Variants in MYOZ2 observed in about 807,000 individuals in gnomAD.
The protein encoded by MYOZ2 is myozenin-2.
In MYOZ2, 19 loss-of-function variants were observed where a neutral mutation model predicts 25.4. The observed-to-expected ratio is 0.75, with a 90% CI of 0.52 to 1.10. The LOEUF is 1.10. Ranked by LOEUF, MYOZ2 falls within the 50% of genes least tolerant of loss-of-function variation. The pLI, the probability that MYOZ2 is intolerant of heterozygous loss-of-function variation, is 0.00. For synonymous variants in MYOZ2, 92 were observed against 106.9 expected (o/e 0.86, Z 0.86); for missense variants, 270 against 317.9 (o/e 0.85, Z 1.15).
In MYOZ2 at chr4:119,176,133, G is replaced by A. The variant is rs1373486190; in HGVS notation, c.561-9833G>A. 3.3e-5 allele frequency among the ~76,000 whole-genome samples: 5 copies of A among 152,114 alleles called. No individual in the cohort carries two copies. The South Asian group carries it at 8.3e-4, about 25-fold the overall frequency. On this transcript the variant is annotated intron_variant, in intron 5 of 5. Coordinates refer to ENST00000307128, the MANE Select transcript of MYOZ2 (RefSeq NM_016599.5). ...TGAGGTTAAGATCTACAATTTTTTCGTGTTTGATTCCCTAGCATGCAGCAT... is the reference window on the plus strand; with the variant it reads ...TGAGGTTAAGATCTACAATTTTTTCATGTTTGATTCCCTAGCATGCAGCAT...
chr4:119,172,132 TTA>T (rs1331157185), intron 5 of MYOZ2, among the ~76,000 whole-genome samples: 5 of 152,188 alleles, frequency 3.3e-5, no homozygotes. Flanking sequence ...TATTCAAATT[TTA>T]TGTTACATTC....
At chr4:119,179,411 C>G (rs962249201) in intron 5 of MYOZ2, among the ~76,000 whole-genome samples, 3 of 152,194 alleles carry the variant, frequency 2.0e-5, no homozygotes, top group African/African-American at 7.2e-5. Context: ...AAATAGTACT[C>G]TTTCTCCTGG....
intron 5 of MYOZ2, among the ~76,000 whole-genome samples, chr4:119,178,870 G>T (rs1235251669): frequency 2.6e-5 from 4 of 152,200 alleles, no homozygotes; most frequent in African/African-American, 7.2e-5. Flanking sequence ...GCCTCCCAAA[G>T]TGCTGGGATT....
At chr4:119,147,743 C>CAAAA (rs70944840) in intron 2 of MYOZ2, among the ~76,000 whole-genome samples, 9 of 119,670 alleles carry the variant, frequency 7.5e-5, no homozygotes, top group Admixed American at 8.6e-5. Flanking sequence ...GACTCTGTCT[C>CAAAA]AAAAAAAAAA....
At chr4:119,167,180 G>A (rs899853027) in intron 5 of MYOZ2, among the ~76,000 whole-genome samples, 1 of 152,122 alleles carries the variant, frequency 6.6e-6, no homozygotes, top group African/African-American at 2.4e-5. Context: ...GAAAAATTCA[G>A]GAAGAAAATG....
At chr4:119,162,057 A>T (rs1415134794) in intron 4 of MYOZ2, among the ~76,000 whole-genome samples, 1 of 152,162 alleles carries the variant, frequency 6.6e-6, no homozygotes, top group Non-Finnish European at 1.5e-5. Context: ...ATATACAAAG[A>T]CAAGACACAG....
At chr4:119,136,450 T>C in intron 1 of MYOZ2, 62 bp from the exon 2 acceptor site, 1 of 1,399,984 alleles carries the variant, frequency 7.1e-7, no homozygotes, top group South Asian at 1.2e-5. Flanking sequence ...AAAACAGTGA[T>C]TATAAGACAC....
chr4:119,152,199 A>AAGAATCAAT (rs1741470978), intron 3 of MYOZ2, among the ~76,000 whole-genome samples: 1 of 152,080 alleles, frequency 6.6e-6, no homozygotes, highest in Admixed American at 6.6e-5. Flanking sequence ...TAGTATTTAT[A>AAGAATCAAT]CTTGTGAAGA....
rs143361510 is a variant in MYOZ2 at position 119,181,025 on chromosome 4, A to G, written c.561-4941A>G. On this transcript the variant is annotated intron_variant, in intron 5 of 5. Coordinates refer to ENST00000307128, the MANE Select transcript of MYOZ2 (RefSeq NM_016599.5). The stretch of plus-strand genomic sequence containing the variant: ...TCTATAATACATATATATTTTTTAC[A>G]TTGGTACATGAATAATTACCTGGTC... Among the ~76,000 whole-genome samples the G allele has an allele frequency of 1.5e-4, 23 of 152,294 alleles. No individual in the cohort carries two copies. In the East Asian group the frequency reaches 4.3e-3, roughly 28 times the overall value.
chr4:119,157,864 C>T (rs940643064), intron 3 of MYOZ2, among the ~76,000 whole-genome samples, 158 bp from the exon 4 acceptor site: 1 of 152,042 alleles, frequency 6.6e-6, no homozygotes, highest in Non-Finnish European at 1.5e-5. Context: ...AAGTGCGCAA[C>T]CATCTTACTA....
intron 3 of MYOZ2, among the ~76,000 whole-genome samples, chr4:119,152,518 A>G (rs867941044): frequency 2.6e-5 from 4 of 152,114 alleles, no homozygotes; most frequent in African/African-American, 9.7e-5. Flanking sequence ...GAAAGGTACA[A>G]TAAGATTTAA....
At chr4:119,150,843 T>C (rs748598731) in intron 2 of MYOZ2, 29 bp from the exon 3 acceptor site, 8 of 1,606,924 alleles carry the variant, frequency 5.0e-6, no homozygotes, top group Non-Finnish European at 6.8e-6. Flanking sequence ...TACCTTGGGA[T>C]TTTTACTCAT....
chr4:119,174,546 T>G (rs1340132728), intron 5 of MYOZ2, among the ~76,000 whole-genome samples: 1 of 152,138 alleles, frequency 6.6e-6, no homozygotes, highest in Admixed American at 6.5e-5. Context: ...GGTGGGGCCT[T>G]GGAGAACCTT....
At chr4:119,149,107 A>C (rs1320401608) in intron 2 of MYOZ2, among the ~76,000 whole-genome samples, 1 of 93,368 alleles carries the variant, frequency 1.1e-5, no homozygotes, top group Non-Finnish European at 3.1e-5. Context: ...GTGCCAACTC[A>C]TTACTGCAGG....
chr4:119,147,803 T>C (rs1010105314), intron 2 of MYOZ2, among the ~76,000 whole-genome samples: 13 of 152,102 alleles, frequency 8.5e-5, no homozygotes, highest in East Asian at 1.9e-4. Context: ...AAAATAATTG[T>C]CTTAAGTATT....
In MYOZ2 at chr4:119,147,861, C is replaced by T. The variant is rs1053377220; in HGVS notation, c.77-3011C>T. 2.0e-5 allele frequency among the ~76,000 whole-genome samples: 3 copies of T among 152,010 alleles called. No individual in the cohort carries two copies. In the South Asian group the frequency reaches 6.2e-4, roughly 31 times the overall value. On this transcript the variant is annotated intron_variant, in intron 2 of 5. Coordinates refer to ENST00000307128, the MANE Select transcript of MYOZ2 (RefSeq NM_016599.5). ...GTCAGTATTATAATTTTGGCTTCTACAATAAAATATAATTTAGAAAGCCCA... is the reference window on the plus strand; with the variant it reads ...GTCAGTATTATAATTTTGGCTTCTATAATAAAATATAATTTAGAAAGCCCA...
intron 5 of MYOZ2, among the ~76,000 whole-genome samples, chr4:119,170,154 C>A (rs1211209220): frequency 6.6e-6 from 1 of 152,032 alleles, no homozygotes. Flanking sequence ...AACTCTGTAC[C>A]CATTAAACAA....
At chr4:119,175,005 C>G (rs2149228231) in intron 5 of MYOZ2, among the ~76,000 whole-genome samples, 1 of 151,828 alleles carries the variant, frequency 6.6e-6, no homozygotes, top group East Asian at 1.9e-4. Context: ...CATGAACCCA[C>G]CAGAAGGAAG....
rs533605786 is a variant in MYOZ2, at chr4:119,185,681, G to A, written c.561-285G>A. ...CAAAGGCAAGACATGTCTGTAATGA[G>A]CTCAGTGTACAGGGAATAGATTAGT... On this transcript the variant is annotated intron_variant, in intron 5 of 5. Coordinates refer to ENST00000307128, the MANE Select transcript of MYOZ2 (RefSeq NM_016599.5). 5.8e-4 allele frequency among the ~76,000 whole-genome samples: 88 copies of A among 152,288 alleles called. 1 individual carries two copies. Among genetic ancestry groups the A allele is most frequent in the Admixed American group, 1.2e-3 (19 of 15,298 alleles).
Sources: allele counts gnomAD v4.1 joint callset (sites outside exome capture counted in the v4.1 genomes callset), GRCh38; gene constraint gnomAD v4.1.1; transcripts MANE v1.5; gene names NCBI Gene and HGNC (gene_info 2026-07-23, HGNC 2026-07-21).